VAMP4: variants seen among roughly 807,000 people sequenced by gnomAD.
VAMP4 encodes the protein vesicle-associated membrane protein 4.
In VAMP4, 19 loss-of-function variants were observed where a neutral mutation model predicts 23.5. That is an observed-to-expected ratio of 0.81 (90% CI 0.56 to 1.19). The LOEUF (loss-of-function observed/expected upper bound fraction) is 1.19, where lower values mean the gene tolerates loss of function less well. VAMP4 is among the 50% of genes most tolerant of loss of function. The probability of loss-of-function intolerance (pLI) is 0.00; values close to 1 mark genes in which losing one functional copy is unlikely to be tolerated. For synonymous variants in VAMP4, 31 were observed against 51.0 expected, an observed-to-expected ratio of 0.61 and a Z score of 1.67; for missense variants, 145 against 168.6, an observed-to-expected ratio of 0.86 and a Z score of 0.78.
At chr1:171,726,005 T>C (rs1283926318) in intron 3 of VAMP4, among the ~76,000 whole-genome samples, 2 of 150,584 alleles carry the variant, frequency 1.3e-5, no homozygotes, top group Admixed American at 6.6e-5. Flanking sequence ...CGTTAATTTT[T>C]ATAAAATGTT....
Position 171,721,986 on chromosome 1 carries a change from G to A in VAMP4, c.114-2765C>T, listed in dbSNP as rs542999587. ...AAAAGAACAAAGTTGGAGGCGTCAC[G>A]CTACCTGACTTCAAACTATACTACA... On this transcript the variant is annotated intron_variant, in intron 3 of 7. Coordinates refer to ENST00000236192, the MANE Select transcript of VAMP4 (RefSeq NM_003762.5). 1.4e-3 allele frequency among the ~76,000 whole-genome samples: 218 copies of A among 152,224 alleles called. 2 individuals carry two copies. The highest frequency in any genetic ancestry group is 4.9e-3 in the African/African-American group (202 of 41,536).
chr1:171,727,706 C>T (rs1459714905), intron 3 of VAMP4, among the ~76,000 whole-genome samples: 2 of 152,158 alleles, frequency 1.3e-5, no homozygotes, highest in African/African-American at 4.8e-5. Context: ...AAAATCCACA[C>T]ATAAGTGAAT....
intron 5 of VAMP4, 27 bp downstream of exon 5, chr1:171,710,687 T>C (rs374545907): frequency 7.9e-6 from 12 of 1,523,400 alleles, no homozygotes; most frequent in East Asian, 4.6e-5. Context: ...AGATTAGTAA[T>C]ATCAAGAAAT....
At chr1:171,709,589 G>A (rs1654777678) in intron 6 of VAMP4, 76 bp downstream of exon 6, 2 of 1,350,088 alleles carry the variant, frequency 1.5e-6, no homozygotes, top group African/African-American at 1.4e-5. Flanking sequence ...ATGCTCTAGA[G>A]GCCCTTTTTT....
intron 7 of VAMP4, among the ~76,000 whole-genome samples, chr1:171,705,863 T>C (rs1012960827): frequency 6.6e-6 from 1 of 152,086 alleles, no homozygotes; most frequent in Non-Finnish European, 1.5e-5. Context: ...GAAGGAGTCA[T>C]GCTTTAATGA....
rs1654535146 is a variant in VAMP4 at position 171,703,449 on chromosome 1, A to ATATATG, written c.*1056_*1057insCATATA. 16 of 112,024 alleles carry ATATATG rather than the reference A, an allele frequency of 1.4e-4. No homozygotes were observed. The highest frequency in any genetic ancestry group is 5.5e-4 in the African/African-American group (16 of 28,864). 6.9% of individuals were successfully genotyped at this position (112,024 alleles called of 1,614,324 possible). On this transcript the variant is annotated 3_prime_UTR_variant, in exon 8 of 8. Coordinates refer to ENST00000236192, the MANE Select transcript of VAMP4 (RefSeq NM_003762.5). ...TGTATATATATATATATATATATAT[A>ATATATG]TATATATATATATATATATACACAT...
chr1:171,717,608 T>C (rs1316688439), intron 4 of VAMP4, among the ~76,000 whole-genome samples: 5 of 137,466 alleles, frequency 3.6e-5, no homozygotes, highest in Non-Finnish European at 6.3e-5. Flanking sequence ...ACTGCAGCCA[T>C]TGACCTCCCC....
chr1:171,703,355 G>T lies in VAMP4; in HGVS notation c.*1151C>A, dbSNP rs1056971255. 1 of 143,346 alleles carries T rather than the reference G, an allele frequency of 7.0e-6. No individual in the cohort carries two copies. Among genetic ancestry groups the T allele is most frequent in the Non-Finnish European group, 1.5e-5 (1 of 65,850 alleles). 8.9% of individuals were successfully genotyped at this position (143,346 alleles called of 1,614,324 possible). On this transcript the variant is annotated 3_prime_UTR_variant, in exon 8 of 8. Coordinates refer to ENST00000236192, the MANE Select transcript of VAMP4 (RefSeq NM_003762.5). ...GGCTTAGGTTAATGGTCACTCTCTA[G>T]CATTTGGTTACCGACTGACTGATTA...
Position 171,729,729 on chromosome 1 carries a change from G to A in VAMP4, c.67-1159C>T, listed in dbSNP as rs574413489. Among the ~76,000 whole-genome samples the A allele has an allele frequency of 3.7e-4, 56 of 152,164 alleles. 1 individual carries two copies. The South Asian group carries it at 0.011, about 30-fold the overall frequency. On this transcript the variant is annotated intron_variant, in intron 2 of 7. Coordinates refer to ENST00000236192, the MANE Select transcript of VAMP4 (RefSeq NM_003762.5). ...GGCTGGAGTGCAGTGGTGCAATCTC[G>A]GCTCACTGCAACCTCCACCTCCCGG...
rs1032650082 is a variant in VAMP4 at position 171,723,679 on chromosome 1, T to G, written c.114-4458A>C. Among the ~76,000 whole-genome samples the G allele has an allele frequency of 3.9e-5, 6 of 152,224 alleles. No individual in the cohort carries two copies. The East Asian group carries it at 7.7e-4, about 20-fold the overall frequency. ...AAACACACATGCTTTACAAACAATT[T>G]GTGCAGTTAATGCAATCATCACAGG... is the stretch of plus-strand genomic sequence containing the variant. On this transcript the variant is annotated intron_variant, in intron 3 of 7. Transcript: ENST00000236192.
chr1:171,734,089 G>A (rs1285156824), intron 2 of VAMP4, among the ~76,000 whole-genome samples: 4 of 151,960 alleles, frequency 2.6e-5, no homozygotes, highest in Non-Finnish European at 4.4e-5. Flanking sequence ...CCAACATGGT[G>A]GAACCCCATC....
Position 171,704,195 on chromosome 1 carries a change from A to C in VAMP4, c.*311T>G. On this transcript the variant is annotated 3_prime_UTR_variant, in exon 8 of 8. Transcript: ENST00000236192. ...CTTATGCCATTAAAATATTAATATG[A>C]AATATTATAATCAGTGTTTATATAC... 5.3e-6 allele frequency: 1 copy of C among 187,754 alleles called. No individual in the cohort carries two copies. Among genetic ancestry groups the C allele is most frequent in the Non-Finnish European group, 1.1e-5 (1 of 91,130 alleles). The allele number at this position is 187,754 out of a possible 1,614,324, so 11.6% of individuals were successfully genotyped here. A position where few individuals can be genotyped will look rare whatever the true frequency, so the allele number is the denominator to read the frequency against.
chr1:171,708,532 G>A (rs74225352), intron 6 of VAMP4, among the ~76,000 whole-genome samples: 26,082 of 151,412 alleles, frequency 0.17, 2,341 homozygotes, highest in Middle Eastern at 0.24. Context: ...GTAACTCTTG[G>A]AAAAAATCCT....
Position 171,702,789 on chromosome 1 carries a change from G to C in VAMP4, c.*1717C>G, listed in dbSNP as rs540506557. ...TTAATTGACATTTACAAAGAGCATAGAGACCAAAGACAATATACACTATAG... is the reference window on the plus strand; with the variant it reads ...TTAATTGACATTTACAAAGAGCATACAGACCAAAGACAATATACACTATAG... On this transcript the variant is annotated 3_prime_UTR_variant, in exon 8 of 8. Transcript: ENST00000236192. The C allele has an allele frequency of 1.8e-4, 28 of 152,078 alleles. No homozygotes were observed. The highest frequency in any genetic ancestry group is 6.0e-4 in the African/African-American group (25 of 41,566). The allele number at this position is 152,078 out of a possible 1,614,324, so 9.4% of individuals were successfully genotyped here.
intron 2 of VAMP4, among the ~76,000 whole-genome samples, chr1:171,730,021 G>C (rs1449010545): frequency 6.6e-6 from 1 of 152,072 alleles, no homozygotes; most frequent in African/African-American, 2.4e-5. Context: ...CACAGGAAGG[G>C]GTATGAGCCT....
intron 6 of VAMP4, among the ~76,000 whole-genome samples, chr1:171,706,795 A>G (rs1034826872): frequency 6.6e-6 from 1 of 152,206 alleles, no homozygotes; most frequent in Non-Finnish European, 1.5e-5. Flanking sequence ...AAAATACTGT[A>G]CATTTTCTCT....
At chr1:171,710,845 C>G in intron 4 of VAMP4, 31 bp from the exon 5 acceptor site, 2 of 1,497,236 alleles carry the variant, frequency 1.3e-6, no homozygotes. Context: ...AATTATTTAT[C>G]CTTCTTTTGA....
chr1:171,710,164 C>T (rs1425841460), intron 5 of VAMP4, among the ~76,000 whole-genome samples: 1 of 150,482 alleles, frequency 6.6e-6, no homozygotes, highest in African/African-American at 2.4e-5. Context: ...AAACAATATA[C>T]ATTTTAAATG....
intron 4 of VAMP4, among the ~76,000 whole-genome samples, chr1:171,712,825 G>A (rs998261241): frequency 6.6e-6 from 1 of 152,108 alleles, no homozygotes; most frequent in African/African-American, 2.4e-5. Context: ...TAGGTACTGA[G>A]GAAATAACAT....
Sources: gnomAD v4.1 joint callset for allele counts (sites outside exome capture counted in the v4.1 genomes callset) on GRCh38, gnomAD v4.1.1 for gene constraint, MANE v1.5 for transcripts, NCBI Gene and HGNC (gene_info 2026-07-23, HGNC 2026-07-21) for gene names.